The following G2E3 variants were observed in gnomAD, a reference collection of about 807,000 sequenced individuals.
G2E3 encodes the protein G2/M-phase specific E3 ubiquitin protein ligase, also known as G2/M phase-specific E3 ubiquitin-protein ligase.
In G2E3, 35 loss-of-function variants were observed where a neutral mutation model predicts 92.8. The ratio of observed to expected loss-of-function variants is 0.38; its 90% CI spans 0.29 to 0.50. G2E3 has a LOEUF of 0.50. Ranked by LOEUF, G2E3 falls within the 20% of genes least tolerant of loss-of-function variation. G2E3 has a pLI of 0.94. For synonymous variants in G2E3, 242 were observed against 272.4 expected (o/e 0.89, Z 1.10); for missense variants, 554 against 823.8 (o/e 0.67, Z 4.01).
At position 30,616,385 on chromosome 14, in the gene G2E3, G is replaced by A. The variant is rs1475279156; in HGVS notation, c.1972G>A (p.Val658Met). The A allele has an allele frequency of 6.2e-7, 1 of 1,612,858 alleles. No homozygotes were observed. The highest frequency in any genetic ancestry group is 1.3e-5 in the African/African-American group (1 of 74,890). Residue 658 changes from valine to methionine, a missense_variant, in exon 15 of 15, where the codon GTG becomes ATG. By Grantham distance (21) the Val-to-Met change is conservative (BLOSUM62 1). Coordinates refer to ENST00000206595, the MANE Select transcript of G2E3 (RefSeq NM_017769.5). ...KPTPSIECLHVDFPVGNKCNN... is the reference protein window; with the variant it reads ...KPTPSIECLHMDFPVGNKCNN... ...CACTCCTTCAATTGAGTGTCTGCAT[G>A]TGGATTTTCCTGTTGGAAACAAGTG...
intron 6 of G2E3, among the ~76,000 whole-genome samples, chr14:30,594,471 C>T (rs1881172610): frequency 1.3e-5 from 2 of 150,702 alleles, no homozygotes; most frequent in African/African-American, 2.4e-5. Flanking sequence ...GGGTGGATCA[C>T]GAGGTCAGGA....
intron 1 of G2E3, among the ~76,000 whole-genome samples, chr14:30,567,128 G>T (rs570341709): frequency 2.9e-4 from 44 of 152,218 alleles, no homozygotes; most frequent in Admixed American, 9.8e-4. Context: ...TAATTGGCTT[G>T]TAGTTTTATT....
At position 30,618,956 on chromosome 14, in the gene G2E3, G is replaced by C. The variant is rs1010792585; in HGVS notation, c.*2422G>C. 1 of 151,810 alleles carries C rather than the reference G, an allele frequency of 6.6e-6. No homozygotes were observed. The highest frequency in any genetic ancestry group is 1.5e-5 in the Non-Finnish European group (1 of 67,870). The allele number at this position is 151,810 out of a possible 1,614,324, so 9.4% of individuals were successfully genotyped here. ...TTGCCTAAATGTTGTATATTTTAAG[G>C]CTGTTTTCTCTTGCTCTTAATGTTG... On this transcript the variant is annotated 3_prime_UTR_variant, in exon 15 of 15. Transcript: ENST00000206595.
At chr14:30,609,956 A>C (rs1251596989) in intron 12 of G2E3, among the ~76,000 whole-genome samples, 1 of 152,146 alleles carries the variant, frequency 6.6e-6, no homozygotes, top group Non-Finnish European at 1.5e-5. Context: ...GACAATTAGA[A>C]TGTTGTTCTA....
rs1882419032 is a variant in G2E3, at chr14:30,618,461, C to T, written c.*1927C>T. 1 of 152,002 alleles carries T rather than the reference C, an allele frequency of 6.6e-6. No individual in the cohort carries two copies. The highest frequency in any genetic ancestry group is 2.1e-4 in the South Asian group (1 of 4,822). 9.4% of individuals were successfully genotyped at this position (152,002 alleles called of 1,614,324 possible). On this transcript the variant is annotated 3_prime_UTR_variant, in exon 15 of 15. Transcript: ENST00000206595. The stretch of plus-strand genomic sequence containing the variant: ...TCTGGTTTTTAGTTGCAATTAATTT[C>T]CCCTAGGGTAGAAATTAAAGCTGAT...
intron 10 of G2E3, among the ~76,000 whole-genome samples, chr14:30,603,335 A>G (rs1320165208): frequency 1.3e-5 from 2 of 152,076 alleles, no homozygotes; most frequent in African/African-American, 4.8e-5. Context: ...CAAAAAAAAA[A>G]AAAAAAGGTA....
chr14:30,571,803 A>C (rs1442427943), intron 1 of G2E3, among the ~76,000 whole-genome samples: 1 of 152,064 alleles, frequency 6.6e-6, no homozygotes, highest in Non-Finnish European at 1.5e-5. Flanking sequence ...ATTGAGCTAC[A>C]CATCTGTCTT....
At chr14:30,598,218 C>T in intron 7 of G2E3, 1 of 320,348 alleles carries the variant, frequency 3.1e-6, no homozygotes. Context: ...AACCCTGTCT[C>T]TACTAAAAAA....
At chr14:30,574,936 T>A (rs1879987391) in intron 1 of G2E3, among the ~76,000 whole-genome samples, 1 of 152,246 alleles carries the variant, frequency 6.6e-6, no homozygotes, top group African/African-American at 2.4e-5. Flanking sequence ...TCTGGCTATA[T>A]ACCCAGTAAT....
intron 6 of G2E3, among the ~76,000 whole-genome samples, chr14:30,595,577 G>T (rs2138861581): frequency 6.6e-6 from 1 of 152,246 alleles, no homozygotes; most frequent in Non-Finnish European, 1.5e-5. Flanking sequence ...TATAACTGAA[G>T]ATCACAGCCA....
chr14:30,598,699 A>G (rs1216768185), intron 8 of G2E3, 100 bp downstream of exon 8: 2 of 817,464 alleles, frequency 2.4e-6, no homozygotes, highest in South Asian at 2.8e-5. Context: ...TTCTCTTAGG[A>G]TGTTAGAAGT....
At chr14:30,564,434 G>T (rs574550820) in intron 1 of G2E3, among the ~76,000 whole-genome samples, 1 of 152,262 alleles carries the variant, frequency 6.6e-6, no homozygotes, top group African/African-American at 2.4e-5. Context: ...TTGGACTCCA[G>T]CTGTCCTCCC....
intron 1 of G2E3, chr14:30,560,465 T>A (rs952571270): frequency 6.3e-5 from 17 of 269,080 alleles, no homozygotes; most frequent in African/African-American, 3.1e-4. Flanking sequence ...ATTGAACTTT[T>A]AAGTGTTAGC....
intron 2 of G2E3, among the ~76,000 whole-genome samples, chr14:30,585,188 T>C (rs139084218): frequency 6.7e-4 from 102 of 152,242 alleles, no homozygotes; most frequent in Non-Finnish European, 1.2e-3. Context: ...CCAATTATCA[T>C]TTTTTTCTTT....
chr14:30,578,835 T>C (rs1487054619), intron 1 of G2E3, among the ~76,000 whole-genome samples: 1 of 152,172 alleles, frequency 6.6e-6, no homozygotes, highest in Non-Finnish European at 1.5e-5. Flanking sequence ...AATTTTAAGA[T>C]GGACTCAACC....
At chr14:30,584,545 G>A (rs1880602128) in intron 2 of G2E3, among the ~76,000 whole-genome samples, 1 of 152,130 alleles carries the variant, frequency 6.6e-6, no homozygotes, top group Admixed American at 6.6e-5. Context: ...ACTTGTTATT[G>A]TCAGACATTT....
rs578097611 is a variant in G2E3 at position 30,573,904 on chromosome 14, A to G, written c.-4-7172A>G. Among the ~76,000 whole-genome samples the G allele has an allele frequency of 9.8e-5, 15 of 152,308 alleles. No homozygotes were observed. In the East Asian group the frequency reaches 2.7e-3, roughly 27 times the overall value. ...CGTCCTGTGGCCTGGTAAAGGTAAC[A>G]CATAAAATTAACCATCACACTGTAT... On this transcript the variant is annotated intron_variant, in intron 1 of 14. Coordinates refer to ENST00000206595, the MANE Select transcript of G2E3 (RefSeq NM_017769.5).
rs769828044 is a variant in G2E3 at position 30,593,593 on chromosome 14, G to A, written c.482G>A (p.Arg161Gln). ...IEPIPSYNIL[R>Q]SPCCKNAWFH... Reference sequence around the variant, plus strand: ...CCTATTCCAAGTTATAACATATTACGAAGTCCTTGTTGTAAGAACGCTTGG... The same window carrying A: ...CCTATTCCAAGTTATAACATATTACAAAGTCCTTGTTGTAAGAACGCTTGG... Residue 161 changes from arginine to glutamine, a missense_variant, in exon 6 of 15, where the codon CGA becomes CAA. Around this residue, in one of 3 missense-constraint regions of G2E3, gnomAD observed 137 missense variants for 201.3 expected, o/e 0.68. Coordinates refer to ENST00000206595, the MANE Select transcript of G2E3 (RefSeq NM_017769.5). The A allele has an allele frequency of 9.3e-6, 15 of 1,607,090 alleles. No homozygotes were observed. Among genetic ancestry groups the A allele is most frequent in the Non-Finnish European group, 1.1e-5 (13 of 1,174,218 alleles).
intron 1 of G2E3, among the ~76,000 whole-genome samples, chr14:30,561,692 C>T (rs1230587209): frequency 2.6e-5 from 4 of 152,256 alleles, no homozygotes; most frequent in East Asian, 1.9e-4. Context: ...ATATATAGTG[C>T]GAGACTGCCC....
Sources: gnomAD v4.1 joint callset for allele counts (sites outside exome capture counted in the v4.1 genomes callset) on GRCh38, gnomAD v4.1.1 for gene constraint, gnomAD v4.1.1 regional missense constraint, MANE v1.5 for transcripts, NCBI Gene and HGNC (gene_info 2026-07-23, HGNC 2026-07-21) for gene names.